RAB23: variants seen among roughly 807,000 people sequenced by gnomAD.
The protein encoded by RAB23 is RAB23, member RAS oncogene family.
In RAB23, 15 loss-of-function variants were observed where a neutral mutation model predicts 30.0. The observed-to-expected ratio is 0.50, with a 90% CI of 0.33 to 0.77. The LOEUF is 0.77. RAB23 is among the 30% of genes least tolerant of loss of function. The pLI is 0.02. For synonymous variants in RAB23, 93 were observed against 94.0 expected (o/e 0.99, Z 0.06); for missense variants, 243 against 275.4 (o/e 0.88, Z 0.83).
In RAB23 at chr6:57,210,286, C is replaced by T; in HGVS notation, c.95G>A (p.Gly32Asp). ...KSSMIQRYCK[G>D]IFTKDYKKTI... ...TTTCTTGTAGTCTTTTGTAAAAATG[C>T]CTTTGCAATATCGCTGAATCATACT... Residue 32 changes from glycine (G) to aspartate (D), a missense_variant, in exon 2 of 7, where the codon GGC becomes GAC. By Grantham distance (94) the Gly-to-Asp change is moderately conservative. Transcript: ENST00000468148. 1 of 1,613,956 alleles carries T rather than the reference C, an allele frequency of 6.2e-7. No individual in the cohort carries two copies. The highest frequency in any genetic ancestry group is 2.2e-5 in the East Asian group (1 of 44,876).
chr6:57,199,477 A>T (rs1276952879), intron 3 of RAB23, among the ~76,000 whole-genome samples: 1 of 152,250 alleles, frequency 6.6e-6, no homozygotes, highest in African/African-American at 2.4e-5. Flanking sequence ...GGGAAGGCAC[A>T]CAGAGGCTTA....
chr6:57,202,583 C>G (rs942260538), intron 3 of RAB23, among the ~76,000 whole-genome samples: 4 of 152,110 alleles, frequency 2.6e-5, no homozygotes, highest in Non-Finnish European at 5.9e-5. Context: ...AAAAGGAAAT[C>G]AACATGAGGA....
intron 1 of RAB23, 60 bp from the exon 2 acceptor site, chr6:57,210,505 GT>G: frequency 9.2e-7 from 1 of 1,088,116 alleles, no homozygotes; most frequent in Non-Finnish European, 1.4e-6. Flanking sequence ...TAAACTAATT[GT>G]TTTATCAAGA....
At chr6:57,205,097 AATAT>A (rs1259652843) in intron 3 of RAB23, among the ~76,000 whole-genome samples, 1 of 150,330 alleles carries the variant, frequency 6.7e-6, no homozygotes, top group Non-Finnish European at 1.5e-5. Context: ...TGCATTTATA[AATAT>A]ATATACACTG....
In RAB23 at chr6:57,187,030, A is replaced by C. The variant is rs934480033; in HGVS notation, c.*3431T>G. On this transcript the variant is annotated 3_prime_UTR_variant, in exon 7 of 7. Coordinates refer to ENST00000468148, the MANE Select transcript of RAB23 (RefSeq NM_016277.5). ...ATGCATTTATTTTCTGATTATTGGAATTCATCCTTCATGAAATTTTTAGAG... is the reference window on the plus strand; with the variant it reads ...ATGCATTTATTTTCTGATTATTGGACTTCATCCTTCATGAAATTTTTAGAG... 11 of 152,338 alleles carry C rather than the reference A, an allele frequency of 7.2e-5. No individual in the cohort carries two copies. The allele number at this position is 152,338 out of a possible 1,614,324, so 9.4% of individuals were successfully genotyped here. A position where few individuals can be genotyped will look rare whatever the true frequency, so the allele number is the denominator to read the frequency against.
chr6:57,211,195 A>G (rs1765639595), intron 1 of RAB23, among the ~76,000 whole-genome samples: 1 of 152,190 alleles, frequency 6.6e-6, no homozygotes, highest in Admixed American at 6.5e-5. Flanking sequence ...TCATGCCTAT[A>G]ATCCCAGCAT....
rs1346414063 is a variant in RAB23, at chr6:57,196,596, A to C, written c.252T>G (p.Ala84=). The change falls in exon 4 of 7, where the codon GCT becomes GCG. Residue 84 remains alanine (A), a synonymous_variant. Transcript: ENST00000468148. The stretch of plus-strand genomic sequence containing the variant: ...CTGTGGTAGAGAACACGAGCACACA[A>C]GCCTGGGCTCCTGTAAGTTCACAAT... The part of the protein sequence containing the change: ...ITKAYYRGAQ[A]CVLVFSTTDR... 1 of 1,613,842 alleles carries C rather than the reference A, an allele frequency of 6.2e-7. No homozygotes were observed. Among genetic ancestry groups the C allele is most frequent in the Admixed American group, 1.7e-5 (1 of 59,988 alleles).
chr6:57,194,697 C>G, intron 5 of RAB23, 73 bp downstream of exon 5: 1 of 1,122,456 alleles, frequency 8.9e-7, no homozygotes. Flanking sequence ...AATATAATTT[C>G]TAAACAACAC....
intron 1 of RAB23, among the ~76,000 whole-genome samples, chr6:57,216,386 T>G (rs1765837312): frequency 6.6e-6 from 1 of 152,224 alleles, no homozygotes; most frequent in Non-Finnish European, 1.5e-5. Flanking sequence ...CAAAATGGAA[T>G]TCTAAAAACA....
intron 1 of RAB23, among the ~76,000 whole-genome samples, chr6:57,217,516 C>A (rs1477056740): frequency 6.6e-6 from 1 of 152,116 alleles, no homozygotes; most frequent in Admixed American, 6.5e-5. Context: ...ACCATGTTGG[C>A]CAGGCAGTTC....
At chr6:57,192,917 A>T (rs1764894749) in intron 6 of RAB23, among the ~76,000 whole-genome samples, 1 of 152,220 alleles carries the variant, frequency 6.6e-6, no homozygotes, top group South Asian at 2.1e-4. Context: ...AGGAAAGATC[A>T]AGACCTCTGA....
chr6:57,196,415 T>C lies in RAB23; in HGVS notation c.398+35A>G, dbSNP rs1354880453. On this transcript the variant is annotated intron_variant, in intron 4 of 6. Coordinates refer to ENST00000468148, the MANE Select transcript of RAB23 (RefSeq NM_016277.5). Reference sequence around the variant, plus strand: ...TTAAGATGTCTTAACTTTATAGAATTACTGTCCCTCCTTCCCCAAAAGTAG... The same window carrying C: ...TTAAGATGTCTTAACTTTATAGAATCACTGTCCCTCCTTCCCCAAAAGTAG... 6.8e-6 allele frequency: 11 copies of C among 1,611,730 alleles called. 1 individual carries two copies. Among genetic ancestry groups the C allele is most frequent in the African/African-American group, 6.7e-5 (5 of 74,992 alleles).
chr6:57,202,009 A>G (rs1765286552), intron 3 of RAB23, among the ~76,000 whole-genome samples: 1 of 152,222 alleles, frequency 6.6e-6, no homozygotes, highest in Non-Finnish European at 1.5e-5. Flanking sequence ...AATACCTTTG[A>G]GCAATGGCTT....
intron 6 of RAB23, 45 bp downstream of exon 6, chr6:57,193,797 T>C (rs1029820547): frequency 6.2e-7 from 1 of 1,601,958 alleles, no homozygotes; most frequent in Admixed American, 1.7e-5. Flanking sequence ...ATGTGTTTTT[T>C]AACTTTACCA....
chr6:57,190,571 A>T lies in RAB23; in HGVS notation c.604T>A (p.Ser202Thr). Residue 202 changes from serine to threonine, a missense_variant, in exon 7 of 7, where the codon TCC (serine) becomes ACC (threonine). By Grantham distance (58) the Ser-to-Thr change is moderately conservative (BLOSUM62 1). Transcript: ENST00000468148. ...GVFNTSGGSH[S>T]GQNSGTLNGG... Reference sequence around the variant, plus strand: ...TTGAGGGTACCTGAATTCTGACCGGAGTGACTTCCACCAGATGTATTAAAG... The same window carrying T: ...TTGAGGGTACCTGAATTCTGACCGGTGTGACTTCCACCAGATGTATTAAAG... 1 of 1,614,000 alleles carries T rather than the reference A, an allele frequency of 6.2e-7. No homozygotes were observed. The highest frequency in any genetic ancestry group is 8.5e-7 in the Non-Finnish European group (1 of 1,179,898).
In RAB23 at chr6:57,188,170, G is replaced by A; in HGVS notation, c.*2291C>T. On this transcript the variant is annotated 3_prime_UTR_variant, in exon 7 of 7. Coordinates refer to ENST00000468148, the MANE Select transcript of RAB23 (RefSeq NM_016277.5). Reference sequence around the variant, plus strand: ...GTTTCATAAAATTAAAGTTATTTAAGAGAATGAAGGGTCTTGGAAAAAAAA... The same window carrying A: ...GTTTCATAAAATTAAAGTTATTTAAAAGAATGAAGGGTCTTGGAAAAAAAA... The A allele has an allele frequency of 6.6e-6, 1 of 152,050 alleles. No individual in the cohort carries two copies. The allele number at this position is 152,050 out of a possible 1,614,324, so 9.4% of individuals were successfully genotyped here.
intron 1 of RAB23, among the ~76,000 whole-genome samples, chr6:57,218,574 G>A (rs777825040): frequency 1.3e-5 from 2 of 152,134 alleles, no homozygotes; most frequent in African/African-American, 2.4e-5. Flanking sequence ...TCTATAGGCC[G>A]AGCACAGTGG....
At chr6:57,203,005 T>G (rs909386285) in intron 3 of RAB23, among the ~76,000 whole-genome samples, 2 of 137,038 alleles carry the variant, frequency 1.5e-5, no homozygotes, top group East Asian at 4.0e-4. Context: ...AGGCTGTTTT[T>G]TTTTTTTTTT....
chr6:57,198,374 T>C (rs1285798548), intron 3 of RAB23, among the ~76,000 whole-genome samples: 1 of 151,764 alleles, frequency 6.6e-6, no homozygotes, highest in Non-Finnish European at 1.5e-5. Flanking sequence ...ATTAGCTGGG[T>C]GTGGTGGCGG....
Sources: gnomAD v4.1 joint callset for allele counts (sites outside exome capture counted in the v4.1 genomes callset) on GRCh38, gnomAD v4.1.1 for gene constraint, MANE v1.5 for transcripts, NCBI Gene and HGNC (gene_info 2026-07-23, HGNC 2026-07-21) for gene names.